Variants in CPS1 observed in about 807,000 individuals in gnomAD.
The protein encoded by CPS1 is carbamoyl-phosphate synthase 1.
CPS1 carries 109 observed loss-of-function variants against 174.6 expected under a neutral mutation model. The ratio of observed to expected loss-of-function variants is 0.62; its 90% CI spans 0.53 to 0.73. The LOEUF is 0.73. CPS1 is among the 30% of genes least tolerant of loss of function. The pLI is 0.00. For missense variants in CPS1, 1,689 were observed against 1,821.9 expected (o/e 0.93, Z 1.33); for synonymous variants, 637 against 632.0 (o/e 1.01, Z -0.12).
Position 210,656,559 on chromosome 2 carries a change from A to T in CPS1, c.3593A>T (p.Asp1198Val). Residue 1198 changes from aspartate (D) to valine (V), a missense_variant, in exon 30 of 38, where the codon GAT becomes GTT. Asp to Val is a radical substitution (Grantham distance 152). Coordinates refer to ENST00000233072, the MANE Select transcript of CPS1 (RefSeq NM_001875.5). ...CATGCCATCTCTGAACATGTTGAAG[A>T]TGCAGGTGTCCACTCGGGAGATGCC... is the stretch of plus-strand genomic sequence containing the variant. Reference protein sequence around the residue: ...ISHAISEHVEDAGVHSGDATL... With the variant: ...ISHAISEHVEVAGVHSGDATL... 6.2e-7 allele frequency: 1 copy of T among 1,607,724 alleles called. No homozygotes were observed. The highest frequency in any genetic ancestry group is 8.5e-7 in the Non-Finnish European group (1 of 1,178,820).
At position 210,625,084 on chromosome 2, in the gene CPS1, T is replaced by C. The variant is rs1006863915; in HGVS notation, c.2687+8543T>C. 5.3e-4 allele frequency among the ~76,000 whole-genome samples: 80 copies of C among 152,182 alleles called. 1 individual carries two copies. The highest frequency in any genetic ancestry group is 1.8e-3 in the African/African-American group (76 of 41,578). On this transcript the variant is annotated intron_variant, in intron 21 of 37. Transcript: ENST00000233072. ...GAGCTGGTATTAGACCAAATGGTATTTGTTCTTCTATTCAGTCATTATGTA... is the reference window on the plus strand; with the variant it reads ...GAGCTGGTATTAGACCAAATGGTATCTGTTCTTCTATTCAGTCATTATGTA...
chr2:210,569,973 A>G (rs532979946), intron 1 of CPS1, among the ~76,000 whole-genome samples: 5 of 152,136 alleles, frequency 3.3e-5, no homozygotes, highest in African/African-American at 1.2e-4. Context: ...ATCTTATGAT[A>G]GTAACAAGGT....
At chr2:210,499,891 C>T (rs1238659725) in intron 1 of CPS1, among the ~76,000 whole-genome samples, 1 of 152,018 alleles carries the variant, frequency 6.6e-6, no homozygotes, top group Non-Finnish European at 1.5e-5. Flanking sequence ...TCAGGGGATT[C>T]GTGTTGTATT....
chr2:210,675,829 T>C lies in CPS1; in HGVS notation c.4263T>C (p.Ser1421=). 1.3e-6 allele frequency: 2 copies of C among 1,507,522 alleles called. No homozygotes were observed. The highest frequency in any genetic ancestry group is 1.8e-6 in the Non-Finnish European group (2 of 1,082,996). 93.4% of individuals were successfully genotyped at this position (1,507,522 alleles called of 1,614,324 possible). A position where few individuals can be genotyped will look rare whatever the true frequency, so the allele number is the denominator to read the frequency against. ...AAGAAGGACAGAATCCCAGCCTCTC[T>C]TCCATCAGAAAGTAAGAACTAGGCA... The part of the protein sequence containing the change: ...PSQEGQNPSL[S]SIRKLIRDGS... The change falls in exon 36 of 38, where the codon TCT becomes TCC. Residue 1421 remains serine (S), a synonymous_variant. Coordinates refer to ENST00000233072, the MANE Select transcript of CPS1 (RefSeq NM_001875.5).
intron 20 of CPS1, among the ~76,000 whole-genome samples, chr2:210,614,024 TAGAA>T (rs987600711): frequency 1.3e-5 from 2 of 151,924 alleles, no homozygotes; most frequent in African/African-American, 4.8e-5. Flanking sequence ...TCATGAGTCT[TAGAA>T]AGAGCAACTT....
In CPS1 at chr2:210,678,096, A is replaced by C. The variant is rs1701593714; in HGVS notation, c.*111A>C. The C allele has an allele frequency of 1.1e-6, 1 of 882,942 alleles. No homozygotes were observed. Among genetic ancestry groups the C allele is most frequent in the Non-Finnish European group, 1.9e-6 (1 of 514,876 alleles). 54.7% of individuals were successfully genotyped at this position (882,942 alleles called of 1,614,324 possible). Reference sequence around the variant, plus strand: ...AATATTGATAACTAAACTTCATTTCAGTTTACTTTGTTATGCCTTAATATT... The same window carrying C: ...AATATTGATAACTAAACTTCATTTCCGTTTACTTTGTTATGCCTTAATATT... On this transcript the variant is annotated 3_prime_UTR_variant, in exon 38 of 38. Transcript: ENST00000233072.
intron 1 of CPS1, among the ~76,000 whole-genome samples, chr2:210,536,468 C>T (rs1411078522): frequency 1.3e-5 from 2 of 151,848 alleles, no homozygotes; most frequent in East Asian, 3.9e-4. Context: ...CTACAGGCGC[C>T]CGCCACCATG....
chr2:210,522,429 A>G (rs1362173036), intron 1 of CPS1, among the ~76,000 whole-genome samples: 1 of 151,968 alleles, frequency 6.6e-6, no homozygotes, highest in Non-Finnish European at 1.5e-5. Context: ...GTTGTTTGCA[A>G]GTCAGAAATC....
intron 1 of CPS1, among the ~76,000 whole-genome samples, chr2:210,479,301 A>G (rs1023851712): frequency 1.4e-5 from 2 of 147,352 alleles, no homozygotes; most frequent in African/African-American, 5.0e-5. Flanking sequence ...ATAGTGGATT[A>G]TGACTTCATT....
In CPS1 at chr2:210,576,505, G is replaced by A. The variant is rs556363020; in HGVS notation, c.381+15G>A. 1.9e-6 allele frequency: 3 copies of A among 1,613,122 alleles called. No homozygotes were observed. The South Asian group carries it at 3.3e-5, about 18-fold the overall frequency. On this transcript the variant is annotated intron_variant, in intron 3 of 37. Transcript: ENST00000233072. ...ATGGAATCAAGGTAGTACCAGTGGTGGCCATTTAAAAAGTCTCAATTTGAG... is the reference window on the plus strand; with the variant it reads ...ATGGAATCAAGGTAGTACCAGTGGTAGCCATTTAAAAAGTCTCAATTTGAG...
chr2:210,584,830 T>C (rs1698053840), intron 6 of CPS1, among the ~76,000 whole-genome samples: 1 of 152,080 alleles, frequency 6.6e-6, no homozygotes, highest in South Asian at 2.1e-4. Context: ...TAGATTTATG[T>C]TCCATGAATT....
At chr2:210,505,101 T>C (rs945628157) in intron 1 of CPS1, among the ~76,000 whole-genome samples, 2 of 152,014 alleles carry the variant, frequency 1.3e-5, no homozygotes, top group Non-Finnish European at 2.9e-5. Flanking sequence ...TAATTCATGC[T>C]GTATTGGGCA....
intron 1 of CPS1, among the ~76,000 whole-genome samples, chr2:210,488,218 GAA>G (rs1421649410): frequency 6.6e-6 from 1 of 151,680 alleles, no homozygotes; most frequent in Non-Finnish European, 1.5e-5. Flanking sequence ...GAAAAAAAAA[GAA>G]GAGAAAAAAT....
chr2:210,624,072 T>C (rs1265135387), intron 21 of CPS1, among the ~76,000 whole-genome samples: 5 of 152,302 alleles, frequency 3.3e-5, no homozygotes, highest in African/African-American at 9.6e-5. Flanking sequence ...ATTTTTGTGA[T>C]ACTTTACTAT....
At chr2:210,519,887 C>T (rs755733590) in intron 1 of CPS1, 3 of 613,744 alleles carry the variant, frequency 4.9e-6, no homozygotes, top group Middle Eastern at 7.9e-4. Context: ...AGATGCGTTC[C>T]AGCATACAGT....
intron 30 of CPS1, 105 bp downstream of exon 30, chr2:210,656,737 TGCA>T: frequency 1.2e-6 from 1 of 802,276 alleles, no homozygotes; most frequent in Non-Finnish European, 2.1e-6. Flanking sequence ...TAAGATATGC[TGCA>T]GGTTAAATTT....
intron 34 of CPS1, chr2:210,673,627 T>C (rs1438621999): frequency 2.6e-5 from 4 of 152,126 alleles, no homozygotes; most frequent in Admixed American, 2.6e-4. Flanking sequence ...AACTAGGATG[T>C]AAGGGCAGGA....
At chr2:210,507,829 T>A (rs538384051) in intron 1 of CPS1, among the ~76,000 whole-genome samples, 92 of 152,244 alleles carry the variant, frequency 6.0e-4, no homozygotes, top group African/African-American at 2.2e-3. Flanking sequence ...AAGAGCTAAC[T>A]ATCCTAAATA....
intron 1 of CPS1, among the ~76,000 whole-genome samples, chr2:210,499,920 A>G (rs141227957): frequency 4.5e-4 from 69 of 152,256 alleles, no homozygotes; most frequent in African/African-American, 1.5e-3. Flanking sequence ...CTCACACTGT[A>G]TGAAGAAATT....
Sources: allele counts gnomAD v4.1 joint callset (sites outside exome capture counted in the v4.1 genomes callset), GRCh38; gene constraint gnomAD v4.1.1; transcripts MANE v1.5; gene names NCBI Gene and HGNC (gene_info 2026-07-23, HGNC 2026-07-21).